The following YPEL1 variants were observed in gnomAD, a reference collection of about 807,000 sequenced individuals.
YPEL1 encodes yippee like 1, also known as protein yippee-like 1.
Under a neutral mutation model 17.3 loss-of-function variants are expected in YPEL1, and 7 were observed. The observed-to-expected ratio is 0.40, with a 90% CI of 0.23 to 0.76. The LOEUF is 0.76. YPEL1 is among the 30% of genes least tolerant of loss of function. The probability of loss-of-function intolerance (pLI) is 0.35; values close to 1 mark genes in which losing one functional copy is unlikely to be tolerated. For missense variants in YPEL1, 91 were observed against 155.5 expected (o/e 0.59, Z 2.21); for synonymous variants, 59 against 59.6 (o/e 0.99, Z 0.05).
rs1231359878 is a variant in YPEL1 at position 21,734,683 on chromosome 22, G to C, written c.-165+932C>G. Among the ~76,000 whole-genome samples, 43 of 152,124 alleles carry C rather than the reference G, an allele frequency of 2.8e-4. 2 individuals carry two copies. The highest frequency in any genetic ancestry group is 2.8e-3 in the Admixed American group (42 of 15,268). On this transcript the variant is annotated intron_variant, in intron 1 of 4. Transcript: ENST00000339468. ...GAGGGGGACCAGTGCATGATTGTAA[G>C]ACAAAATGACATCAGGATTAAGCAC...
chr22:21,732,580 G>A (rs1246802921), intron 1 of YPEL1, among the ~76,000 whole-genome samples: 1 of 152,122 alleles, frequency 6.6e-6, no homozygotes, highest in Non-Finnish European at 1.5e-5. Flanking sequence ...TCAGGAGATT[G>A]AGGCCATCCT....
At chr22:21,716,094 A>C (rs1165367156) in intron 1 of YPEL1, among the ~76,000 whole-genome samples, 2 of 152,152 alleles carry the variant, frequency 1.3e-5, no homozygotes, top group African/African-American at 4.8e-5. Flanking sequence ...TTTTTAGTAG[A>C]GATGGGGTTT....
chr22:21,703,970 G>A lies in YPEL1; in HGVS notation c.118-88C>T. 2.7e-6 allele frequency: 4 copies of A among 1,459,662 alleles called. No homozygotes were observed. Among genetic ancestry groups the A allele is most frequent in the Non-Finnish European group, 2.8e-6 (3 of 1,062,846 alleles). The allele number at this position is 1,459,662 out of a possible 1,614,324, so 90.4% of individuals were successfully genotyped here. On this transcript the variant is annotated intron_variant, in intron 2 of 4. Coordinates refer to ENST00000339468, the MANE Select transcript of YPEL1 (RefSeq NM_013313.5). This position sits in a 1 kb window ranked among gnomAD's most constrained non-coding sequence, Gnocchi z 6.1. The stretch of plus-strand genomic sequence containing the variant: ...CAGAACCAGGGGAGTCCAGCCCCGC[G>A]GCTGTTAGCTGCGCCGGGACGCGTC...
rs550115669 is a variant in YPEL1, at chr22:21,735,087, G to A, written c.-165+528C>T. On this transcript the variant is annotated intron_variant, in intron 1 of 4. Transcript: ENST00000339468. ...GCCAAGCATGGGGGAGGCGGACCCT[G>A]TTTAGATCTCTGAAGCTCAGGCTTT... Among the ~76,000 whole-genome samples, 6 of 152,250 alleles carry A rather than the reference G, an allele frequency of 3.9e-5. No homozygotes were observed. In the East Asian group the frequency reaches 1.2e-3, roughly 29 times the overall value.
chr22:21,710,452 G>T, intron 2 of YPEL1, 176 bp downstream of exon 2: 1 of 638,986 alleles, frequency 1.6e-6, no homozygotes, highest in Non-Finnish European at 2.8e-6. Context: ...TGAGATCGTG[G>T]CACAGCCACA....
intron 2 of YPEL1, chr22:21,704,113 A>T: frequency 1.4e-6 from 1 of 718,800 alleles, no homozygotes; most frequent in Non-Finnish European, 2.6e-6. Flanking sequence ...CTGCGTCAAC[A>T]TTCTGCAAGT....
intron 1 of YPEL1, among the ~76,000 whole-genome samples, chr22:21,711,268 AC>A (rs2068163261): frequency 6.6e-6 from 1 of 152,190 alleles, no homozygotes; most frequent in African/African-American, 2.4e-5. Context: ...CAAAATGAAC[AC>A]TGACACCATG....
At chr22:21,706,548 G>A (rs1428303868) in intron 2 of YPEL1, among the ~76,000 whole-genome samples, 1 of 152,128 alleles carries the variant, frequency 6.6e-6, no homozygotes, top group Non-Finnish European at 1.5e-5. Context: ...GAAGGTAGGA[G>A]CAGATATGGA....
At chr22:21,714,751 C>T (rs1428645890) in intron 1 of YPEL1, among the ~76,000 whole-genome samples, 2 of 152,152 alleles carry the variant, frequency 1.3e-5, no homozygotes, top group Non-Finnish European at 1.5e-5. Flanking sequence ...ATCTTTATCC[C>T]GCCAACTTGA....
At chr22:21,720,176 T>A (rs13058534) in intron 1 of YPEL1, among the ~76,000 whole-genome samples, 5,123 of 55,854 alleles carry the variant, frequency 0.092, 191 homozygotes, top group East Asian at 0.31. Context: ...AGACTCTGTA[T>A]CAAAAAAAAA....
intron 1 of YPEL1, among the ~76,000 whole-genome samples, chr22:21,725,818 C>G (rs2068330216): frequency 7.5e-6 from 1 of 132,554 alleles, no homozygotes; most frequent in African/African-American, 3.0e-5. Flanking sequence ...GATAGTGAGA[C>G]CCTGTCTCTA....
chr22:21,711,609 A>G (rs934378306), intron 1 of YPEL1, among the ~76,000 whole-genome samples: 5 of 152,220 alleles, frequency 3.3e-5, no homozygotes, highest in African/African-American at 4.8e-5. Flanking sequence ...GGGTGTCAAG[A>G]CCATTCAATG....
chr22:21,703,899 C>T lies in YPEL1; in HGVS notation c.118-17G>A. The T allele has an allele frequency of 6.3e-7, 1 of 1,588,288 alleles. No individual in the cohort carries two copies. The highest frequency in any genetic ancestry group is 8.6e-7 in the Non-Finnish European group (1 of 1,167,848). On this transcript the variant is annotated splice_polypyrimidine_tract_variant and intron_variant, in intron 2 of 4. Transcript: ENST00000339468. This position sits in a 1 kb window ranked among gnomAD's most constrained non-coding sequence, Gnocchi z 6.1. ...CTGAAAGGACTGAAAGAAGAAGGTC[C>T]CGTGAGATTGGCTGCGAGTGCTTTC...
rs2068025533 is a variant in YPEL1 at position 21,698,566 on chromosome 22, T to TG, written c.*2562dup. On this transcript the variant is annotated 3_prime_UTR_variant, in exon 5 of 5. Transcript: ENST00000339468. ...CCCTAGTCCCCGGGGCATCGGAGGC[T>TG]GGGTTCCCACATGGGAGAGGAATGA... 1 of 152,356 alleles carries TG rather than the reference T, an allele frequency of 6.6e-6. No individual in the cohort carries two copies. Among genetic ancestry groups the TG allele is most frequent in the African/African-American group, 2.4e-5 (1 of 41,448 alleles). The allele number at this position is 152,356 out of a possible 1,614,324, so 9.4% of individuals were successfully genotyped here. A position where few individuals can be genotyped will look rare whatever the true frequency, so the allele number is the denominator to read the frequency against.
intron 1 of YPEL1, among the ~76,000 whole-genome samples, chr22:21,728,271 C>T (rs1283776736): frequency 6.6e-6 from 1 of 152,140 alleles, no homozygotes; most frequent in African/African-American, 2.4e-5. Context: ...GGAGGCCTCC[C>T]TGCTTTTAGC....
rs1445606031 is a variant in YPEL1 at position 21,703,501 on chromosome 22, G to A, written c.162-23C>T. The A allele has an allele frequency of 3.8e-6, 6 of 1,592,532 alleles. No homozygotes were observed. Among genetic ancestry groups the A allele is most frequent in the Non-Finnish European group, 5.1e-6 (6 of 1,169,884 alleles). On this transcript the variant is annotated intron_variant, in intron 3 of 4. Coordinates refer to ENST00000339468, the MANE Select transcript of YPEL1 (RefSeq NM_013313.5). The surrounding 1 kb of genome is among the most constrained non-coding windows in gnomAD (Gnocchi z 6.1). ...ACCCTGCGGGGACAGAGGGGCCACT[G>A]CGCTGCAGGCCCGGCCCGCCCCTGA...
chr22:21,718,841 T>A (rs866181901), intron 1 of YPEL1, among the ~76,000 whole-genome samples: 1 of 152,134 alleles, frequency 6.6e-6, no homozygotes, highest in African/African-American at 2.4e-5. Flanking sequence ...TTCTCCAATA[T>A]TATGTTAAAG....
intron 1 of YPEL1, among the ~76,000 whole-genome samples, chr22:21,727,875 C>A (rs2068350319): frequency 1.3e-5 from 2 of 152,220 alleles, no homozygotes; most frequent in Non-Finnish European, 2.9e-5. Context: ...TGGGTCCCAT[C>A]CCCATTACTT....
intron 2 of YPEL1, among the ~76,000 whole-genome samples, chr22:21,710,041 A>G (rs773311945): frequency 1.3e-5 from 2 of 152,142 alleles, no homozygotes; most frequent in Non-Finnish European, 2.9e-5. Flanking sequence ...AATGTTCACA[A>G]CTGGTTGATG....
Sources: gnomAD v4.1 joint callset for allele counts (sites outside exome capture counted in the v4.1 genomes callset) on GRCh38, gnomAD v4.1.1 for gene constraint, Gnocchi (gnomAD v3.1) non-coding constraint, MANE v1.5 for transcripts, NCBI Gene and HGNC (gene_info 2026-07-23, HGNC 2026-07-21) for gene names.